Variants in TNFRSF1B observed in about 807,000 individuals in gnomAD.
TNFRSF1B encodes TNF receptor superfamily member 1B.
Under a neutral mutation model 44.6 loss-of-function variants are expected in TNFRSF1B, and 19 were observed. The observed-to-expected ratio is 0.43, with a 90% CI of 0.30 to 0.62. The LOEUF is 0.62. TNFRSF1B is among the 20% of genes least tolerant of loss of function. The probability of loss-of-function intolerance (pLI) is 0.16; values close to 1 mark genes in which losing one functional copy is unlikely to be tolerated. For synonymous variants in TNFRSF1B, 252 were observed against 261.1 expected (o/e 0.97, Z 0.34); for missense variants, 541 against 619.9 (o/e 0.87, Z 1.35).
At chr1:12,188,304 G>A (rs975138592) in intron 1 of TNFRSF1B, among the ~76,000 whole-genome samples, 2 of 152,170 alleles carry the variant, frequency 1.3e-5, no homozygotes, top group Non-Finnish European at 2.9e-5. Context: ...TTTAGAGAGA[G>A]CCGAGAGGAG....
At chr1:12,196,465 C>T (rs1275375190) in intron 8 of TNFRSF1B, among the ~76,000 whole-genome samples, 6 of 152,156 alleles carry the variant, frequency 3.9e-5, no homozygotes, top group Admixed American at 3.9e-4. Flanking sequence ...CCAAGTGTCC[C>T]CTGGAGGGCA....
chr1:12,179,777 G>C (rs1638749321), intron 1 of TNFRSF1B, among the ~76,000 whole-genome samples: 1 of 152,114 alleles, frequency 6.6e-6, no homozygotes, highest in Non-Finnish European at 1.5e-5. Flanking sequence ...GCATGACCTT[G>C]GACAATTTGC....
chr1:12,179,938 T>C (rs1165800009), intron 1 of TNFRSF1B, among the ~76,000 whole-genome samples: 1 of 152,066 alleles, frequency 6.6e-6, no homozygotes, highest in Non-Finnish European at 1.5e-5. Context: ...ATCTGAACAG[T>C]CTCTGTTCTT....
At chr1:12,198,233 G>A (rs910271542) in intron 8 of TNFRSF1B, among the ~76,000 whole-genome samples, 1 of 152,084 alleles carries the variant, frequency 6.6e-6, no homozygotes, top group Non-Finnish European at 1.5e-5. Flanking sequence ...ACATTTATCG[G>A]GTGTTGAACG....
At chr1:12,185,443 C>A (rs561187030) in intron 1 of TNFRSF1B, among the ~76,000 whole-genome samples, 13 of 152,142 alleles carry the variant, frequency 8.5e-5, no homozygotes, top group African/African-American at 2.6e-4. Flanking sequence ...GAGCTCCCCC[C>A]ACACTGTGTG....
At chr1:12,201,898 A>G in intron 8 of TNFRSF1B, 69 bp from the exon 9 acceptor site, 1 of 1,507,492 alleles carries the variant, frequency 6.6e-7, no homozygotes, top group Non-Finnish European at 8.9e-7. Flanking sequence ...TGGCAGTGGG[A>G]AGGAAGAGGG....
chr1:12,207,279 T>C lies in TNFRSF1B; in HGVS notation c.*259T>C, dbSNP rs1570182983. On this transcript the variant is annotated 3_prime_UTR_variant, in exon 10 of 10. Coordinates refer to ENST00000376259, the MANE Select transcript of TNFRSF1B (RefSeq NM_001066.3). ...TGGCTGGGCATGGACGTTCGGGGCA[T>C]GCTGGGGCAAGTCCCTGACTCTCTG... is the stretch of plus-strand genomic sequence containing the variant. 1 of 405,900 alleles carries C rather than the reference T, an allele frequency of 2.5e-6. No homozygotes were observed. The highest frequency in any genetic ancestry group is 4.3e-6 in the Non-Finnish European group (1 of 230,254). The allele number at this position is 405,900 out of a possible 1,614,324, so 25.1% of individuals were successfully genotyped here. A position where few individuals can be genotyped will look rare whatever the true frequency, so the allele number is the denominator to read the frequency against.
intron 1 of TNFRSF1B, among the ~76,000 whole-genome samples, chr1:12,179,343 G>C (rs1284166363): frequency 6.6e-6 from 1 of 152,176 alleles, no homozygotes; most frequent in Admixed American, 6.5e-5. Context: ...TGACGACCTG[G>C]CCTGATGTAG....
chr1:12,187,528 G>C lies in TNFRSF1B; in HGVS notation c.79-1268G>C, dbSNP rs965781838. Among the ~76,000 whole-genome samples, 5 of 152,238 alleles carry C rather than the reference G, an allele frequency of 3.3e-5. No homozygotes were observed. The highest frequency in any genetic ancestry group is 7.3e-5 in the Non-Finnish European group (5 of 68,040). On this transcript the variant is annotated intron_variant, in intron 1 of 9. Coordinates refer to ENST00000376259, the MANE Select transcript of TNFRSF1B (RefSeq NM_001066.3). The surrounding 1 kb of genome is among the most constrained non-coding windows in gnomAD (Gnocchi z 5.5). ...AGCACAGTCTTTGAGACTGTGAGCT[G>C]TGAAGTCAGACAGGACCCAGGTCCA...
Position 12,183,699 on chromosome 1 carries a change from T to A in TNFRSF1B, c.79-5097T>A, listed in dbSNP as rs680537. On this transcript the variant is annotated intron_variant, in intron 1 of 9. Coordinates refer to ENST00000376259, the MANE Select transcript of TNFRSF1B (RefSeq NM_001066.3). Reference sequence around the variant, plus strand: ...ATCTATCTATCTATCTATCTATCTATCTATCTATCTATTCTATCTACCTAT... The same window carrying A: ...ATCTATCTATCTATCTATCTATCTAACTATCTATCTATTCTATCTACCTAT... Among the ~76,000 whole-genome samples, 634 of 102,320 alleles carry A rather than the reference T, an allele frequency of 6.2e-3. 3 individuals are homozygous for A. The highest frequency in any genetic ancestry group is 0.011 in the African/African-American group (344 of 30,936). 67.1% of individuals were successfully genotyped at this position (102,320 alleles called of 152,430 possible). A position where few individuals can be genotyped will look rare whatever the true frequency, so the allele number is the denominator to read the frequency against.
chr1:12,190,973 C>A lies in TNFRSF1B; in HGVS notation c.195C>A (p.Val65=), dbSNP rs1557633420. The A allele has an allele frequency of 6.2e-7, 1 of 1,614,076 alleles. No individual in the cohort carries two copies. The highest frequency in any genetic ancestry group is 8.5e-7 in the Non-Finnish European group (1 of 1,179,970). ...TTTCCTCAGGCCAACATGCAAAAGTCTTCTGTACCAAGACCTCGGACACCG... is the reference window on the plus strand; with the variant it reads ...TTTCCTCAGGCCAACATGCAAAAGTATTCTGTACCAAGACCTCGGACACCG... ...SKCSPGQHAK[V]FCTKTSDTVC... Residue 65 remains valine (V), a synonymous_variant, in exon 3 of 10, where the codon GTC becomes GTA. Transcript: ENST00000376259.
At chr1:12,176,395 C>T (rs1638658098) in intron 1 of TNFRSF1B, among the ~76,000 whole-genome samples, 1 of 152,138 alleles carries the variant, frequency 6.6e-6, no homozygotes, top group African/African-American at 2.4e-5. Flanking sequence ...AAAACTGTAG[C>T]AACTATAATT....
Position 12,192,955 on chromosome 1 carries a change from A to G in TNFRSF1B, c.644A>G (p.His215Arg). Reference sequence around the variant, plus strand: ...CGGAGTATGGCCCCAGGGGCAGTACACTTACCCCAGCCAGTGTCCACACGA... The same window carrying G: ...CGGAGTATGGCCCCAGGGGCAGTACGCTTACCCCAGCCAGTGTCCACACGA... ...PTRSMAPGAV[H>R]LPQPVSTRSQ... Residue 215 changes from histidine to arginine, a missense_variant, in exon 6 of 10, where the codon CAC (histidine) becomes CGC (arginine). Physicochemically the swap from His to Arg is conservative, Grantham distance 29. Coordinates refer to ENST00000376259, the MANE Select transcript of TNFRSF1B (RefSeq NM_001066.3). The G allele has an allele frequency of 1.9e-6, 3 of 1,614,062 alleles. No individual in the cohort carries two copies. The highest frequency in any genetic ancestry group is 1.1e-5 in the South Asian group (1 of 91,082).
chr1:12,192,053 G>C, intron 4 of TNFRSF1B, 130 bp downstream of exon 4: 1 of 1,270,546 alleles, frequency 7.9e-7, no homozygotes, highest in Non-Finnish European at 1.1e-6. Context: ...CCAGGTGCCT[G>C]CTACCCATCC....
rs757254156 is a variant in TNFRSF1B, at chr1:12,168,567, C to A, written c.78+1398C>A. On this transcript the variant is annotated intron_variant, in intron 1 of 9. Transcript: ENST00000376259. This position sits in a 1 kb window ranked among gnomAD's most constrained non-coding sequence, Gnocchi z 4.7. ...GGGTCTTCCTGCCGCTGAGCTTGGG[C>A]CTGCCTGGGTGAACTCTGGGGTCAT... 6.3e-4 allele frequency among the ~76,000 whole-genome samples: 96 copies of A among 152,182 alleles called. 2 individuals carry two copies. Among genetic ancestry groups the A allele is most frequent in the South Asian group, 5.2e-3 (25 of 4,822 alleles).
intron 9 of TNFRSF1B, among the ~76,000 whole-genome samples, chr1:12,203,841 C>T (rs1639444493): frequency 6.6e-6 from 1 of 152,180 alleles, no homozygotes; most frequent in Non-Finnish European, 1.5e-5. Flanking sequence ...GTGATCCTCC[C>T]ACCTCAGCTT....
At chr1:12,172,095 A>T (rs1428895554) in intron 1 of TNFRSF1B, among the ~76,000 whole-genome samples, 2 of 151,972 alleles carry the variant, frequency 1.3e-5, no homozygotes, top group South Asian at 2.1e-4. Flanking sequence ...GGATGGGGCC[A>T]CTCACTGACG....
intron 1 of TNFRSF1B, among the ~76,000 whole-genome samples, chr1:12,185,109 A>C (rs1054973489): frequency 6.7e-6 from 1 of 148,836 alleles, no homozygotes; most frequent in Non-Finnish European, 1.5e-5. Context: ...TTAGTATTCG[A>C]TGGAATGGCT....
At chr1:12,191,596 G>A in intron 3 of TNFRSF1B, 178 bp from the exon 4 acceptor site, 1 of 711,242 alleles carries the variant, frequency 1.4e-6, no homozygotes, top group Non-Finnish European at 2.4e-6. Context: ...GGACTGCGGA[G>A]AGTAGCAGGA....
Sources: allele counts gnomAD v4.1 joint callset (sites outside exome capture counted in the v4.1 genomes callset), GRCh38; gene constraint gnomAD v4.1.1; non-coding constraint Gnocchi (gnomAD v3.1); transcripts MANE v1.5; gene names NCBI Gene and HGNC (gene_info 2026-07-23, HGNC 2026-07-21).